Variants in PLXDC2 observed in about 807,000 individuals in gnomAD.
PLXDC2 encodes the protein plexin domain-containing protein 2.
Under a neutral mutation model 68.9 loss-of-function variants are expected in PLXDC2, and 40 were observed. The observed-to-expected ratio is 0.58, with a 90% CI of 0.45 to 0.76. The LOEUF (loss-of-function observed/expected upper bound fraction) is 0.76. PLXDC2 is among the 30% of genes least tolerant of loss of function. PLXDC2 has a pLI of 0.00. For synonymous variants in PLXDC2, 243 were observed against 234.2 expected, an observed-to-expected ratio of 1.04 and a Z score of -0.34; for missense variants, 644 against 661.9, an observed-to-expected ratio of 0.97 and a Z score of 0.30.
At chr10:19,960,991 G>A (rs1212759461) in intron 1 of PLXDC2, among the ~76,000 whole-genome samples, 1 of 152,204 alleles carries the variant, frequency 6.6e-6, no homozygotes, top group Non-Finnish European at 1.5e-5. Flanking sequence ...TTGTATTTCT[G>A]TGTTGCTAGG....
intron 1 of PLXDC2, among the ~76,000 whole-genome samples, chr10:19,880,610 A>G (rs1564617562): frequency 6.6e-6 from 1 of 152,232 alleles, no homozygotes; most frequent in Non-Finnish European, 1.5e-5. Flanking sequence ...TTACTGTATT[A>G]AAGTTAGAAA....
At chr10:19,819,234 A>G (rs1348465805) in intron 1 of PLXDC2, among the ~76,000 whole-genome samples, 1 of 152,236 alleles carries the variant, frequency 6.6e-6, no homozygotes, top group Non-Finnish European at 1.5e-5. Flanking sequence ...TCTGATGGGA[A>G]ATATACTCTA....
chr10:20,060,156 C>T (rs1034450349), intron 3 of PLXDC2, among the ~76,000 whole-genome samples: 1 of 152,094 alleles, frequency 6.6e-6, no homozygotes, highest in African/African-American at 2.4e-5. Flanking sequence ...CCTCAGCCTC[C>T]CCAGTAGCTG....
intron 3 of PLXDC2, among the ~76,000 whole-genome samples, chr10:20,064,372 C>G (rs774242784): frequency 1.1e-4 from 16 of 151,982 alleles, no homozygotes; most frequent in Non-Finnish European, 1.9e-4. Context: ...AGGCGCCCAC[C>G]ACCACGCCCA....
intron 6 of PLXDC2, among the ~76,000 whole-genome samples, chr10:20,153,647 C>T (rs913761742): frequency 3.9e-5 from 6 of 152,136 alleles, no homozygotes; most frequent in East Asian, 1.9e-4. Flanking sequence ...TGTCAAGCAC[C>T]GACCTAAGCA....
At chr10:19,966,292 CAT>C (rs1381265707) in intron 1 of PLXDC2, among the ~76,000 whole-genome samples, 2 of 71,906 alleles carry the variant, frequency 2.8e-5, no homozygotes, top group African/African-American at 5.9e-5. Context: ...TATATATACA[CAT>C]ATATGTGTAT....
intron 2 of PLXDC2, among the ~76,000 whole-genome samples, chr10:20,017,525 C>A (rs753516273): frequency 6.6e-6 from 1 of 152,230 alleles, no homozygotes; most frequent in East Asian, 1.9e-4. Context: ...ATGAAGAAAC[C>A]GAATTCCAGT....
chr10:19,873,132 C>T (rs140375522), intron 1 of PLXDC2, among the ~76,000 whole-genome samples: 2,587 of 152,216 alleles, frequency 0.017, 34 homozygotes, highest in Middle Eastern at 0.027. Context: ...AGTTCACGAC[C>T]GATGTTTGTC....
chr10:19,982,770 A>G (rs1834573951), intron 1 of PLXDC2, among the ~76,000 whole-genome samples: 3 of 152,132 alleles, frequency 2.0e-5, no homozygotes, highest in Admixed American at 2.0e-4. Context: ...TTTGGTGGAT[A>G]CACAATATAG....
intron 1 of PLXDC2, among the ~76,000 whole-genome samples, chr10:19,987,712 C>A (rs919025901): frequency 6.6e-6 from 1 of 151,826 alleles, no homozygotes; most frequent in Non-Finnish European, 1.5e-5. Flanking sequence ...TAGGCGCCCG[C>A]CACCACCCCC....
At chr10:20,001,710 C>G (rs1564653024) in intron 1 of PLXDC2, 65 bp from the exon 2 acceptor site, 3 of 1,442,484 alleles carry the variant, frequency 2.1e-6, no homozygotes, top group Non-Finnish European at 2.9e-6. Flanking sequence ...CTTCTCGAGC[C>G]GATAGCACTT....
At chr10:20,107,529 T>C (rs1380007744) in intron 4 of PLXDC2, among the ~76,000 whole-genome samples, 2 of 152,196 alleles carry the variant, frequency 1.3e-5, no homozygotes, top group African/African-American at 2.4e-5. Flanking sequence ...TTGTTTTTAA[T>C]TGTAATCAAT....
At chr10:20,175,468 G>T (rs1231247260) in intron 7 of PLXDC2, among the ~76,000 whole-genome samples, 7 of 152,124 alleles carry the variant, frequency 4.6e-5, no homozygotes, top group Non-Finnish European at 8.8e-5. Flanking sequence ...GATTGCTTGA[G>T]CCCAGGGGCT....
At chr10:19,873,418 T>TG (rs1449323901) in intron 1 of PLXDC2, among the ~76,000 whole-genome samples, 292 of 149,728 alleles carry the variant, frequency 2.0e-3, no homozygotes, top group African/African-American at 6.9e-3. Context: ...TTTTTTTTTT[T>TG]TTTTTTTTTT....
chr10:20,161,064 T>C (rs1834284604), intron 6 of PLXDC2, among the ~76,000 whole-genome samples: 1 of 152,206 alleles, frequency 6.6e-6, no homozygotes, highest in Non-Finnish European at 1.5e-5. Flanking sequence ...GAAACACCCA[T>C]ATTCTATTCT....
chr10:20,045,273 C>G (rs968215310), intron 2 of PLXDC2, among the ~76,000 whole-genome samples: 3 of 152,056 alleles, frequency 2.0e-5, no homozygotes, highest in African/African-American at 7.2e-5. Context: ...CAGAGTTAAG[C>G]AGCTCTCCTA....
chr10:20,217,798 C>T (rs1428854165), intron 11 of PLXDC2, among the ~76,000 whole-genome samples: 1 of 151,708 alleles, frequency 6.6e-6, no homozygotes, highest in Non-Finnish European at 1.5e-5. Flanking sequence ...ATGCACTGTG[C>T]CTTTTTTTAA....
chr10:20,135,074 T>C (rs939419981), intron 4 of PLXDC2, among the ~76,000 whole-genome samples: 1 of 152,214 alleles, frequency 6.6e-6, no homozygotes, highest in Non-Finnish European at 1.5e-5. Flanking sequence ...CTCACCTGGA[T>C]CTCTTAGTTC....
At chr10:20,082,382 T>C (rs1241510109) in intron 4 of PLXDC2, among the ~76,000 whole-genome samples, 1 of 152,060 alleles carries the variant, frequency 6.6e-6, no homozygotes, top group East Asian at 1.9e-4. Context: ...AGGCCTATAC[T>C]GTCTTTGCAA....
Sources: allele counts gnomAD v4.1 joint callset (sites outside exome capture counted in the v4.1 genomes callset), GRCh38; gene constraint gnomAD v4.1.1; transcripts MANE v1.5; gene names NCBI Gene and HGNC (gene_info 2026-07-23, HGNC 2026-07-21).